The following TMEM132D variants were observed in gnomAD, a reference collection of about 807,000 sequenced individuals.
The protein encoded by TMEM132D is transmembrane protein 132D.
TMEM132D carries 21 observed loss-of-function variants against 62.3 expected under a neutral mutation model. The observed-to-expected ratio is 0.34, with a 90% CI of 0.24 to 0.49. The LOEUF (loss-of-function observed/expected upper bound fraction) is 0.49, where lower values mean the gene tolerates loss of function less well. Ranked by LOEUF, TMEM132D falls within the 20% of genes least tolerant of loss-of-function variation. The pLI, the probability that TMEM132D is intolerant of heterozygous loss-of-function variation, is 0.99. For synonymous variants in TMEM132D, 621 were observed against 575.6 expected (o/e 1.08, Z -1.13); for missense variants, 1,346 against 1,402.8 (o/e 0.96, Z 0.65).
At chr12:129,424,695 G>A (rs1310723449) in intron 3 of TMEM132D, among the ~76,000 whole-genome samples, 8 of 100,106 alleles carry the variant, frequency 8.0e-5, no homozygotes, top group Admixed American at 1.6e-4. Context: ...GTGACAGAGC[G>A]AGACTCCATC....
At chr12:129,772,734 G>A (rs1351420575) in intron 1 of TMEM132D, among the ~76,000 whole-genome samples, 2 of 152,208 alleles carry the variant, frequency 1.3e-5, no homozygotes, top group Non-Finnish European at 2.9e-5. Context: ...TCAAAAGAGA[G>A]CCTCTAAGCC....
At chr12:129,763,460 T>C (rs554976414) in intron 1 of TMEM132D, among the ~76,000 whole-genome samples, 1 of 143,214 alleles carries the variant, frequency 7.0e-6, no homozygotes, top group South Asian at 2.2e-4. Context: ...AATAGTAAAA[T>C]ATCAGCAGCT....
At position 129,868,349 on chromosome 12, in the gene TMEM132D, G is replaced by T. The variant is rs545412085; in HGVS notation, c.79+34912C>A. Among the ~76,000 whole-genome samples, 17 of 152,244 alleles carry T rather than the reference G, an allele frequency of 1.1e-4. No individual in the cohort carries two copies. The East Asian group carries it at 3.1e-3, about 28-fold the overall frequency. On this transcript the variant is annotated intron_variant, in intron 1 of 8. Coordinates refer to ENST00000422113, the MANE Select transcript of TMEM132D (RefSeq NM_133448.3). ...GCCAATAACTATATACTTGAAACGG[G>T]TACATTTTATGATATGCTAATTATA...
chr12:129,720,864 C>G (rs118074760), intron 1 of TMEM132D, among the ~76,000 whole-genome samples: 2,582 of 152,298 alleles, frequency 0.017, 102 homozygotes, highest in East Asian at 0.13. Flanking sequence ...CAGAGATGAA[C>G]TGAGTGGCCT....
At position 129,225,450 on chromosome 12, in the gene TMEM132D, C is replaced by T. The variant is rs541491353; in HGVS notation, c.1300-15787G>A. Among the ~76,000 whole-genome samples, 29 of 152,236 alleles carry T rather than the reference C, an allele frequency of 1.9e-4. No individual in the cohort carries two copies. In the East Asian group the frequency reaches 3.1e-3, roughly 16 times the overall value. On this transcript the variant is annotated intron_variant, in intron 4 of 8. Coordinates refer to ENST00000422113, the MANE Select transcript of TMEM132D (RefSeq NM_133448.3). ...GGAGTTAAATGAGATGCAGGAGAAT[C>T]GCCACCCGCACAGTCTTTGGACTCG...
At chr12:129,868,762 T>C (rs1341380876) in intron 1 of TMEM132D, among the ~76,000 whole-genome samples, 2 of 152,188 alleles carry the variant, frequency 1.3e-5, no homozygotes, top group Non-Finnish European at 2.9e-5. Context: ...GTCCAGCTGC[T>C]TGCGATGCAA....
At position 129,794,959 on chromosome 12, in the gene TMEM132D, G is replaced by A. The variant is rs982882318; in HGVS notation, c.80-94261C>T. On this transcript the variant is annotated intron_variant, in intron 1 of 8. Coordinates refer to ENST00000422113, the MANE Select transcript of TMEM132D (RefSeq NM_133448.3). ...AAGTGTGCCACACGAGTAGGCAGGC[G>A]GAGGGAACGTGGCTATCAGCTTCTC... is the stretch of plus-strand genomic sequence containing the variant. Among the ~76,000 whole-genome samples the A allele has an allele frequency of 1.6e-4, 25 of 152,150 alleles. 1 individual carries two copies. Among genetic ancestry groups the A allele is most frequent in the African/African-American group, 3.4e-4 (14 of 41,416 alleles).
intron 2 of TMEM132D, 115 bp downstream of exon 2, chr12:129,699,695 G>C (rs998457424): frequency 1.4e-5 from 18 of 1,332,098 alleles, no homozygotes; most frequent in African/African-American, 5.8e-5. Context: ...TTGTAAGAAC[G>C]GGAAGGCCGG....
chr12:129,520,229 TAC>T (rs1875810679), intron 3 of TMEM132D, among the ~76,000 whole-genome samples: 1 of 152,172 alleles, frequency 6.6e-6, no homozygotes, highest in African/African-American at 2.4e-5. Context: ...AGAACAATAG[TAC>T]ACAGTGAAAT....
At chr12:129,442,711 C>A (rs1872976357) in intron 3 of TMEM132D, among the ~76,000 whole-genome samples, 1 of 152,110 alleles carries the variant, frequency 6.6e-6, no homozygotes, top group African/African-American at 2.4e-5. Flanking sequence ...ATACTGGAAT[C>A]CATGCCCAGC....
intron 3 of TMEM132D, among the ~76,000 whole-genome samples, chr12:129,390,403 C>A (rs991245714): frequency 2.1e-4 from 32 of 149,292 alleles, no homozygotes; most frequent in Non-Finnish European, 4.2e-4. Context: ...GAATGTCCAT[C>A]CCCTCACCTC....
At chr12:129,701,275 G>C (rs1323406625) in intron 1 of TMEM132D, among the ~76,000 whole-genome samples, 2 of 152,208 alleles carry the variant, frequency 1.3e-5, no homozygotes, top group Non-Finnish European at 2.9e-5. Flanking sequence ...AAAAATAGAC[G>C]CAGATGCACA....
intron 3 of TMEM132D, among the ~76,000 whole-genome samples, chr12:129,394,933 A>G (rs190636017): frequency 6.6e-6 from 1 of 152,202 alleles, no homozygotes; most frequent in African/African-American, 2.4e-5. Context: ...TAAACACACG[A>G]ACAGTCTTTG....
At chr12:129,087,019 AT>A (rs1401662090) in intron 5 of TMEM132D, among the ~76,000 whole-genome samples, 1 of 152,102 alleles carries the variant, frequency 6.6e-6, no homozygotes, top group East Asian at 1.9e-4. Flanking sequence ...GTCTTTGCAA[AT>A]CCTAAGTCTA....
rs370966923 is a variant in TMEM132D at position 129,635,035 on chromosome 12, C to T, written c.968+64775G>A. 4.0e-4 allele frequency among the ~76,000 whole-genome samples: 61 copies of T among 152,192 alleles called. No homozygotes were observed. The East Asian group carries it at 8.9e-3, about 22-fold the overall frequency. On this transcript the variant is annotated intron_variant, in intron 2 of 8. Transcript: ENST00000422113. ...CTCAAAACTATAATGAAACACTTCCCCACAAAGTACCTACATCATTAGCAT... is the reference window on the plus strand; with the variant it reads ...CTCAAAACTATAATGAAACACTTCCTCACAAAGTACCTACATCATTAGCAT...
chr12:129,407,889 CAAAAA>C (rs34385881), intron 3 of TMEM132D, among the ~76,000 whole-genome samples: 1 of 96,002 alleles, frequency 1.0e-5, no homozygotes. Context: ...GACTCCGACT[CAAAAA>C]AAAAAAAAAA....
intron 3 of TMEM132D, among the ~76,000 whole-genome samples, chr12:129,452,952 G>T (rs1163655166): frequency 6.6e-6 from 1 of 152,298 alleles, no homozygotes; most frequent in Middle Eastern, 3.4e-3. Flanking sequence ...GACCCATACT[G>T]GTTGGTGGCC....
chr12:129,109,676 C>G (rs1029181214), intron 5 of TMEM132D: 1 of 163,140 alleles, frequency 6.1e-6, no homozygotes, highest in Non-Finnish European at 1.3e-5. Flanking sequence ...GCTTCCTCCT[C>G]ATTTTTCTCT....
chr12:129,130,866 T>C (rs1876355429), intron 5 of TMEM132D, among the ~76,000 whole-genome samples: 1 of 152,200 alleles, frequency 6.6e-6, no homozygotes, highest in Non-Finnish European at 1.5e-5. Context: ...AATAAGATTA[T>C]GTAGTAGCTT....
Sources: allele counts gnomAD v4.1 joint callset (sites outside exome capture counted in the v4.1 genomes callset), GRCh38; gene constraint gnomAD v4.1.1; transcripts MANE v1.5; gene names NCBI Gene and HGNC (gene_info 2026-07-23, HGNC 2026-07-21).